Variants in GALNT13 observed in about 807,000 individuals in gnomAD.
GALNT13 encodes polypeptide N-acetylgalactosaminyltransferase 13.
In GALNT13, 28 loss-of-function variants were observed where a neutral mutation model predicts 64.2. That is an observed-to-expected ratio of 0.44 (90% CI 0.32 to 0.60). GALNT13 has a LOEUF of 0.60. Ranked by LOEUF, GALNT13 falls within the 20% of genes least tolerant of loss-of-function variation. The probability of loss-of-function intolerance (pLI) is 0.05; values close to 1 mark genes in which losing one functional copy is unlikely to be tolerated. For missense variants in GALNT13, 577 were observed against 669.8 expected (o/e 0.86, Z 1.53); for synonymous variants, 214 against 224.6 (o/e 0.95, Z 0.42).
At chr2:154,005,056 C>T (rs900014068) in intron 3 of GALNT13, among the ~76,000 whole-genome samples, 1 of 152,040 alleles carries the variant, frequency 6.6e-6, no homozygotes, top group African/African-American at 2.4e-5. Context: ...TTATTTTGTG[C>T]ATGTTTCATT....
At chr2:153,944,662 C>T (rs1248429782) in intron 3 of GALNT13, 23 bp downstream of exon 3, 3 of 1,602,556 alleles carry the variant, frequency 1.9e-6, no homozygotes, top group South Asian at 1.1e-5. Flanking sequence ...GAAGCAAATA[C>T]TGTCTTTATA....
In GALNT13 at chr2:154,271,275, C is replaced by T. The variant is rs545663725; in HGVS notation, c.975+12137C>T. Among the ~76,000 whole-genome samples the T allele has an allele frequency of 1.4e-4, 22 of 152,024 alleles. 1 individual carries two copies. The highest frequency in any genetic ancestry group is 6.2e-4 in the South Asian group (3 of 4,830). On this transcript the variant is annotated intron_variant, in intron 8 of 12. Coordinates refer to ENST00000392825, the MANE Select transcript of GALNT13 (RefSeq NM_052917.4). ...GTTATGCTATTTGTTATCTGTGCAA[C>T]GCATAGAATAATTGGCCATTACTGG...
intron 3 of GALNT13, among the ~76,000 whole-genome samples, chr2:153,947,652 G>A (rs1691867316): frequency 6.6e-6 from 1 of 151,908 alleles, no homozygotes; most frequent in Non-Finnish European, 1.5e-5. Flanking sequence ...TCTGTTGTTA[G>A]TTTCTTTTGC....
rs950365174 is a variant in GALNT13, at chr2:154,049,402, A to C, written c.143-90935A>C. On this transcript the variant is annotated intron_variant, in intron 3 of 12. Coordinates refer to ENST00000392825, the MANE Select transcript of GALNT13 (RefSeq NM_052917.4). ...TATCACTATATAATGATATATAAAG[A>C]TATATGAATATATGGATATAATGGT... Among the ~76,000 whole-genome samples, 15 of 148,208 alleles carry C rather than the reference A, an allele frequency of 1.0e-4. No homozygotes were observed. In the East Asian group the frequency reaches 2.9e-3, roughly 29 times the overall value.
the GALNT13 span, among the ~76,000 whole-genome samples, chr2:153,630,186 G>A: frequency 3.3e-5 from 5 of 151,938 alleles, no homozygotes; most frequent in African/African-American, 4.8e-5. Context: ...CTGCTATAAA[G>A]ACACATGCAC....
the GALNT13 span, among the ~76,000 whole-genome samples, chr2:153,824,813 G>A: frequency 6.6e-6 from 1 of 152,060 alleles, no homozygotes; most frequent in Non-Finnish European, 1.5e-5. Flanking sequence ...TTGTTTAAAA[G>A]TCTGTGGCAC....
At chr2:153,833,168 G>T in the GALNT13 span, among the ~76,000 whole-genome samples, 2 of 151,834 alleles carry the variant, frequency 1.3e-5, no homozygotes, top group Non-Finnish European at 2.9e-5. Flanking sequence ...TAGCCCTTTT[G>T]GTCATCAGAT....
the GALNT13 span, among the ~76,000 whole-genome samples, chr2:153,448,835 G>A: frequency 6.6e-6 from 1 of 152,276 alleles, no homozygotes; most frequent in South Asian, 2.1e-4. Context: ...AAACTCATAT[G>A]TTGAAGCCCT....
chr2:153,509,429 C>T, the GALNT13 span, among the ~76,000 whole-genome samples: 1 of 152,232 alleles, frequency 6.6e-6, no homozygotes. Context: ...GACGGGCCAC[C>T]GCTGCCATCA....
At chr2:153,795,598 TG>T in the GALNT13 span, among the ~76,000 whole-genome samples, 1 of 152,166 alleles carries the variant, frequency 6.6e-6, no homozygotes, top group Non-Finnish European at 1.5e-5. Context: ...AATCAAACTT[TG>T]GAAGTTTACT....
At chr2:154,403,211 G>C (rs1309690989) in intron 10 of GALNT13, among the ~76,000 whole-genome samples, 1 of 152,120 alleles carries the variant, frequency 6.6e-6, no homozygotes, top group Admixed American at 6.5e-5. Flanking sequence ...CTAGCACTTT[G>C]GGAGGCCGAG....
intron 3 of GALNT13, among the ~76,000 whole-genome samples, chr2:154,075,265 A>G (rs181952576): frequency 5.3e-5 from 8 of 151,894 alleles, no homozygotes; most frequent in Non-Finnish European, 8.8e-5. Context: ...CTCAACCTAA[A>G]ATAAGAGTTT....
chr2:153,419,811 C>T, the GALNT13 span, among the ~76,000 whole-genome samples: 5 of 151,838 alleles, frequency 3.3e-5, no homozygotes, highest in Non-Finnish European at 7.4e-5. Flanking sequence ...ATTAGTTTCA[C>T]GTGAATATAC....
At chr2:153,740,204 A>G in the GALNT13 span, among the ~76,000 whole-genome samples, 1 of 151,924 alleles carries the variant, frequency 6.6e-6, no homozygotes, top group Non-Finnish European at 1.5e-5. Flanking sequence ...CTTCTCTTCT[A>G]CTGGGACTCT....
chr2:153,660,332 G>A, the GALNT13 span, among the ~76,000 whole-genome samples: 1 of 152,026 alleles, frequency 6.6e-6, no homozygotes, highest in Non-Finnish European at 1.5e-5. Context: ...TGAGAAAGAA[G>A]AGGAATGGTG....
the GALNT13 span, among the ~76,000 whole-genome samples, chr2:153,574,041 T>C: frequency 6.6e-5 from 10 of 152,066 alleles, no homozygotes; most frequent in South Asian, 2.1e-3. Context: ...GTTGATAAAA[T>C]CTCTCAGCTT....
the GALNT13 span, among the ~76,000 whole-genome samples, chr2:153,176,796 A>T: frequency 0.37 from 55,696 of 149,434 alleles, 10,934 homozygotes; most frequent in East Asian, 0.7. Context: ...AAGATGCATT[A>T]TCTTTAAGAC....
At chr2:154,173,593 A>G (rs1247289289) in intron 4 of GALNT13, among the ~76,000 whole-genome samples, 2 of 152,048 alleles carry the variant, frequency 1.3e-5, no homozygotes, top group African/African-American at 4.8e-5. Context: ...AAATATAACA[A>G]TCAACAAATT....
the GALNT13 span, among the ~76,000 whole-genome samples, chr2:153,517,225 A>G: frequency 6.6e-6 from 1 of 152,218 alleles, no homozygotes; most frequent in Non-Finnish European, 1.5e-5. Flanking sequence ...GGTCTCAACC[A>G]TGAAACTGTA....
Sources: allele counts gnomAD v4.1 joint callset (sites outside exome capture counted in the v4.1 genomes callset), GRCh38; gene constraint gnomAD v4.1.1; transcripts MANE v1.5; gene names NCBI Gene and HGNC (gene_info 2026-07-23, HGNC 2026-07-21).